Variants in PRRX2 observed in about 807,000 individuals in gnomAD.
The protein encoded by PRRX2 is paired mesoderm homeobox protein 2.
A neutral mutation model predicts 18.0 loss-of-function variants in PRRX2; 11 were observed. The ratio of observed to expected loss-of-function variants is 0.61; its 90% CI spans 0.39 to 1.01. PRRX2 has a LOEUF of 1.01. PRRX2 is among the 50% of genes least tolerant of loss of function. The pLI is 0.01. For missense variants in PRRX2, 387 were observed against 351.0 expected (o/e 1.10, Z -0.82); for synonymous variants, 177 against 154.8 (o/e 1.14, Z -1.06).
At chr9:129,682,827 G>C (rs909191940) in intron 1 of PRRX2, among the ~76,000 whole-genome samples, 4 of 152,136 alleles carry the variant, frequency 2.6e-5, no homozygotes, top group African/African-American at 7.2e-5. Context: ...CTCCTTGGCC[G>C]GGCCCAGTGG....
intron 1 of PRRX2, among the ~76,000 whole-genome samples, chr9:129,698,822 C>T (rs965897062): frequency 6.6e-6 from 1 of 152,228 alleles, no homozygotes; most frequent in East Asian, 1.9e-4. Context: ...AGGATTCCCA[C>T]CCTGCCTGCT....
At chr9:129,689,720 G>C (rs868053144) in intron 1 of PRRX2, among the ~76,000 whole-genome samples, 23 of 151,616 alleles carry the variant, frequency 1.5e-4, no homozygotes, top group African/African-American at 5.6e-4. Flanking sequence ...CCGACTCTCC[G>C]GGGTGGGGGC....
intron 1 of PRRX2, among the ~76,000 whole-genome samples, chr9:129,682,623 T>G (rs1832247718): frequency 6.6e-6 from 1 of 152,056 alleles, no homozygotes; most frequent in African/African-American, 2.4e-5. Flanking sequence ...GCAGGGAGTG[T>G]CTCCACCCCC....
Position 129,675,106 on chromosome 9 carries a change from C to T in PRRX2, c.259+8980C>T, listed in dbSNP as rs547116511. 6.6e-5 allele frequency among the ~76,000 whole-genome samples: 10 copies of T among 152,260 alleles called. No homozygotes were observed. Among genetic ancestry groups the T allele is most frequent in the South Asian group, 2.1e-4 (1 of 4,824 alleles). ...GGACAGAGAGGCCGGGCAGAGCTGC[C>T]GCAGGATGCATAAGGCTGGCTCTGG... is the stretch of plus-strand genomic sequence containing the variant. On this transcript the variant is annotated intron_variant, in intron 1 of 3. Coordinates refer to ENST00000372469, the MANE Select transcript of PRRX2 (RefSeq NM_016307.4). The surrounding 1 kb of genome is among the most constrained non-coding windows in gnomAD (Gnocchi z 4.4).
Position 129,704,415 on chromosome 9 carries a change from G to A in PRRX2, c.260-14816G>A, listed in dbSNP as rs1317112361. On this transcript the variant is annotated intron_variant, in intron 1 of 3. Coordinates refer to ENST00000372469, the MANE Select transcript of PRRX2 (RefSeq NM_016307.4). ...GAGACCTCTTGTCTGAGGACACACG[G>A]GGGCAATTTTTCTCATTCTCAGATG... Among the ~76,000 whole-genome samples, 3 of 152,150 alleles carry A rather than the reference G, an allele frequency of 2.0e-5. No homozygotes were observed. In the East Asian group the frequency reaches 5.8e-4, roughly 29 times the overall value.
At position 129,680,826 on chromosome 9, in the gene PRRX2, G is replaced by A. The variant is rs191159735; in HGVS notation, c.259+14700G>A. Among the ~76,000 whole-genome samples the A allele has an allele frequency of 7.6e-3, 1,153 of 152,282 alleles. 15 individuals are homozygous for A. The highest frequency in any genetic ancestry group is 0.02 in the African/African-American group (839 of 41,558). The stretch of plus-strand genomic sequence containing the variant: ...ACCTAGCTTCTGGCTGGATGTGACC[G>A]CCACTCCTGTGCAGAAGGAGGCATC... On this transcript the variant is annotated intron_variant, in intron 1 of 3. Coordinates refer to ENST00000372469, the MANE Select transcript of PRRX2 (RefSeq NM_016307.4).
chr9:129,713,550 A>C lies in PRRX2; in HGVS notation c.260-5681A>C, dbSNP rs567343191. Among the ~76,000 whole-genome samples, 6 of 152,250 alleles carry C rather than the reference A, an allele frequency of 3.9e-5. No individual in the cohort carries two copies. In the South Asian group the frequency reaches 1.2e-3, roughly 32 times the overall value. On this transcript the variant is annotated intron_variant, in intron 1 of 3. Transcript: ENST00000372469. Reference sequence around the variant, plus strand: ...GCTGAGCCTGGGAGCGAGGTAGAAGAGGGAGGAGGCCCCGTGAAGAGGGGT... The same window carrying C: ...GCTGAGCCTGGGAGCGAGGTAGAAGCGGGAGGAGGCCCCGTGAAGAGGGGT...
rs1429771393 is a variant in PRRX2 at position 129,675,683 on chromosome 9, C to T, written c.259+9557C>T. On this transcript the variant is annotated intron_variant, in intron 1 of 3. Coordinates refer to ENST00000372469, the MANE Select transcript of PRRX2 (RefSeq NM_016307.4). The surrounding 1 kb of genome is among the most constrained non-coding windows in gnomAD (Gnocchi z 4.4). ...CGCTGGCCTCCCTTCTTGCCGTGGG[C>T]GCAGACGTTTACACGCCAGAGATGG... 6.6e-6 allele frequency among the ~76,000 whole-genome samples: 1 copy of T among 150,958 alleles called. No homozygotes were observed. Among genetic ancestry groups the T allele is most frequent in the Admixed American group, 6.6e-5 (1 of 15,040 alleles).
intron 1 of PRRX2, among the ~76,000 whole-genome samples, chr9:129,710,541 G>A (rs1832606265): frequency 6.6e-6 from 1 of 152,162 alleles, no homozygotes; most frequent in Non-Finnish European, 1.5e-5. Context: ...AGACCATCCT[G>A]GCCAACATGG....
intron 1 of PRRX2, among the ~76,000 whole-genome samples, chr9:129,697,736 C>T (rs1832445398): frequency 6.6e-6 from 1 of 152,080 alleles, no homozygotes; most frequent in Non-Finnish European, 1.5e-5. Context: ...CGGCCCTGTC[C>T]CGGGGGAGGG....
intron 1 of PRRX2, 60 bp downstream of exon 1, chr9:129,666,186 C>T: frequency 1.0e-6 from 1 of 967,350 alleles, no homozygotes; most frequent in Non-Finnish European, 1.2e-6. Context: ...GGGGCCGGGG[C>T]GCGGGGTCCG....
At chr9:129,682,518 C>T (rs532129862) in intron 1 of PRRX2, among the ~76,000 whole-genome samples, 2 of 152,096 alleles carry the variant, frequency 1.3e-5, no homozygotes, top group South Asian at 2.1e-4. Flanking sequence ...TCCACTCCTC[C>T]GCCCCAGCCC....
At chr9:129,682,583 C>CTGGT (rs1832247200) in intron 1 of PRRX2, among the ~76,000 whole-genome samples, 1 of 152,212 alleles carries the variant, frequency 6.6e-6, no homozygotes, top group South Asian at 2.1e-4. Flanking sequence ...TGTCTCTTGA[C>CTGGT]TGGTCCAGGG....
At chr9:129,693,281 G>T (rs1832382837) in intron 1 of PRRX2, among the ~76,000 whole-genome samples, 1 of 152,154 alleles carries the variant, frequency 6.6e-6, no homozygotes, top group African/African-American at 2.4e-5. Flanking sequence ...TCTCATGGTA[G>T]ATAGTCTTTT....
At chr9:129,697,458 C>T (rs1832440799) in intron 1 of PRRX2, among the ~76,000 whole-genome samples, 1 of 151,394 alleles carries the variant, frequency 6.6e-6, no homozygotes, top group Non-Finnish European at 1.5e-5. Context: ...CGCGGGACTG[C>T]GGCGAGGCAG....
chr9:129,719,907 A>C (rs1832766722), intron 2 of PRRX2, among the ~76,000 whole-genome samples: 1 of 152,130 alleles, frequency 6.6e-6, no homozygotes, highest in East Asian at 1.9e-4. Flanking sequence ...GAATCGCTTG[A>C]ACTCGGGAGG....
At chr9:129,676,837 C>G (rs1832167050) in intron 1 of PRRX2, among the ~76,000 whole-genome samples, 1 of 152,204 alleles carries the variant, frequency 6.6e-6, no homozygotes, top group African/African-American at 2.4e-5. Context: ...GTCCTCAAAC[C>G]TGGAGAAAGA....
At chr9:129,705,937 G>A (rs1832551663) in intron 1 of PRRX2, among the ~76,000 whole-genome samples, 2 of 151,730 alleles carry the variant, frequency 1.3e-5, no homozygotes, top group South Asian at 4.2e-4. Context: ...AGAGGCCCCT[G>A]ACCTCTTGGG....
chr9:129,674,619 C>T (rs1372251242), intron 1 of PRRX2, among the ~76,000 whole-genome samples: 1 of 152,124 alleles, frequency 6.6e-6, no homozygotes, highest in Non-Finnish European at 1.5e-5. Flanking sequence ...CCCCCGCCCC[C>T]AGAGCTGAGC....
Sources: allele counts gnomAD v4.1 joint callset (sites outside exome capture counted in the v4.1 genomes callset), GRCh38; gene constraint gnomAD v4.1.1; non-coding constraint Gnocchi (gnomAD v3.1); transcripts MANE v1.5; gene names NCBI Gene and HGNC (gene_info 2026-07-23, HGNC 2026-07-21).